Variants in VCAN observed in about 807,000 individuals in gnomAD.
VCAN encodes versican, also known as versican core protein.
VCAN carries 44 observed loss-of-function variants against 245.5 expected under a neutral mutation model. The observed-to-expected ratio is 0.18, with a 90% CI of 0.14 to 0.23. The LOEUF is 0.23. VCAN is among the 10% of genes least tolerant of loss of function. VCAN has a pLI of 1.00. For synonymous variants in VCAN, 1,413 were observed against 1,437.0 expected, an observed-to-expected ratio of 0.98 and a Z score of 0.38; for missense variants, 3,793 against 4,057.9, an observed-to-expected ratio of 0.93 and a Z score of 1.77.
In VCAN at chr5:83,540,796, A is replaced by C. The variant is rs752743211; in HGVS notation, c.7793A>C (p.Asp2598Ala). ...EDILGMQTDI[D>A]TEVPSEPHDS... ...ATTCTTGGAATGCAAACAGATATAG[A>C]TACAGAGGTACCATCAGAACCACAT... The change falls in exon 8 of 15, where the codon GAT becomes GCT. Residue 2598 changes from aspartate (D) to alanine (A), a missense_variant. Asp to Ala is a moderately radical substitution (Grantham distance 126, BLOSUM62 -2). Around this residue, in one of 5 missense-constraint regions of VCAN, gnomAD observed 3,182 missense variants for 3,250.3 expected, o/e 0.98. Transcript: ENST00000265077. 1.2e-6 allele frequency: 2 copies of C among 1,614,046 alleles called. No individual in the cohort carries two copies. The highest frequency in any genetic ancestry group is 2.2e-5 in the South Asian group (2 of 91,082).
At chr5:83,574,991 TA>T (rs1454646987) in intron 13 of VCAN, among the ~76,000 whole-genome samples, 16 of 152,186 alleles carry the variant, frequency 1.1e-4, no homozygotes, top group African/African-American at 3.9e-4. Context: ...TTGCAATTAA[TA>T]ATGGTGTTAT....
chr5:83,536,799 T>A, intron 7 of VCAN: 1 of 475,944 alleles, frequency 2.1e-6, no homozygotes, highest in Non-Finnish European at 3.7e-6. Flanking sequence ...GTTTTAATAA[T>A]GTTAAATTGA....
At chr5:83,498,976 T>C (rs1003193694) in intron 5 of VCAN, among the ~76,000 whole-genome samples, 1 of 152,114 alleles carries the variant, frequency 6.6e-6, no homozygotes, top group African/African-American at 2.4e-5. Flanking sequence ...TCACCCTTCA[T>C]TCCCACACTC....
rs1002427566 is a variant in VCAN at position 83,529,376 on chromosome 5, C to G, written c.4003+7067C>G. On this transcript the variant is annotated intron_variant, in intron 7 of 14. Transcript: ENST00000265077. ...AGCACCACAATAAAAAAGAACAATACAGCAATAAAAAATAACACAAATAAA... is the reference window on the plus strand; with the variant it reads ...AGCACCACAATAAAAAAGAACAATAGAGCAATAAAAAATAACACAAATAAA... 5.8e-5 allele frequency among the ~76,000 whole-genome samples: 8 copies of G among 138,430 alleles called. No homozygotes were observed. The South Asian group carries it at 1.9e-3, about 33-fold the overall frequency. 90.8% of individuals were successfully genotyped at this position (138,430 alleles called of 152,430 possible). A position where few individuals can be genotyped will look rare whatever the true frequency, so the allele number is the denominator to read the frequency against.
chr5:83,547,983 G>T lies in VCAN; in HGVS notation c.9392G>T (p.Cys3131Phe). Reference protein sequence around the residue: ...GDQCELDFDECHSNPCRNGAT... With the variant: ...GDQCELDFDEFHSNPCRNGAT... ...TATTTTGTTTCAGATTTTGATGAAT[G>T]TCACTCTAATCCCTGTCGTAATGGA... Residue 3131 changes from cysteine (C) to phenylalanine (F), a missense_variant, in exon 10 of 15, where the codon TGT (cysteine) becomes TTT (phenylalanine). This residue lies in a region of VCAN where 205 missense variants were observed against 321.1 expected (regional missense o/e 0.64). Coordinates refer to ENST00000265077, the MANE Select transcript of VCAN (RefSeq NM_004385.5). The T allele has an allele frequency of 6.2e-7, 1 of 1,612,990 alleles. No homozygotes were observed. Among genetic ancestry groups the T allele is most frequent in the Non-Finnish European group, 8.5e-7 (1 of 1,179,038 alleles).
At chr5:83,480,252 A>G (rs1313917318) in intron 1 of VCAN, among the ~76,000 whole-genome samples, 1 of 152,152 alleles carries the variant, frequency 6.6e-6, no homozygotes, top group Non-Finnish European at 1.5e-5. Context: ...TGTTGTACCT[A>G]TGTAGATGGA....
chr5:83,541,168 C>A lies in VCAN; in HGVS notation c.8165C>A (p.Ser2722Ter). Residue 2722 changes from serine to a stop codon, truncating the protein, a stop_gained, in exon 8 of 15, where the codon TCA becomes TAA. Transcript: ENST00000265077. LOFTEE classifies it high-confidence loss of function. ...AAAGCCCTGGATGACATGTTTGAAT[C>A]AAGCACTTTGTCTGATGGTCAAGCT... Reference protein sequence around the residue: ...EAKALDDMFESSTLSDGQAIA... With the variant: ...EAKALDDMFE 6.2e-7 allele frequency: 1 copy of A among 1,614,018 alleles called. No homozygotes were observed.
At chr5:83,473,954 G>A (rs749805887) in intron 1 of VCAN, among the ~76,000 whole-genome samples, 30 of 152,134 alleles carry the variant, frequency 2.0e-4, no homozygotes, top group Non-Finnish European at 3.7e-4. Context: ...TGGAACGCAC[G>A]CGGCGCCCTG....
chr5:83,538,246 A>G lies in VCAN; in HGVS notation c.5243A>G (p.Asp1748Gly). Reference sequence around the variant, plus strand: ...GTATATTCATCTACACAGAGATCGGATCAATTAATTTTACCCTTTGAATTA... The same window carrying G: ...GTATATTCATCTACACAGAGATCGGGTCAATTAATTTTACCCTTTGAATTA... ...FEVYSSTQRS[D>G]QLILPFELES... is the part of the protein sequence containing the mutation. Residue 1748 changes from aspartate to glycine, a missense_variant, in exon 8 of 15, where the codon GAT (aspartate) becomes GGT (glycine). Transcript: ENST00000265077. 6.2e-7 allele frequency: 1 copy of G among 1,613,988 alleles called. No homozygotes were observed. The highest frequency in any genetic ancestry group is 8.5e-7 in the Non-Finnish European group (1 of 1,179,968).
At chr5:83,578,062 T>A (rs1041580319) in intron 13 of VCAN, among the ~76,000 whole-genome samples, 25 of 152,178 alleles carry the variant, frequency 1.6e-4, no homozygotes, top group African/African-American at 6.0e-4. Flanking sequence ...TTGGTCTTAT[T>A]CCATCTGATA....
intron 3 of VCAN, 150 bp downstream of exon 3, chr5:83,490,622 A>T: frequency 1.6e-6 from 2 of 1,226,692 alleles, no homozygotes; most frequent in Non-Finnish European, 2.3e-6. Context: ...TTCACCAAAA[A>T]TGAACTGGTA....
At chr5:83,490,786 T>G (rs1019463051) in intron 3 of VCAN, among the ~76,000 whole-genome samples, 1 of 152,250 alleles carries the variant, frequency 6.6e-6, no homozygotes, top group Admixed American at 6.5e-5. Flanking sequence ...GTGATTCTTT[T>G]TCAAGACTCT....
At chr5:83,513,786 A>G (rs1745749705) in intron 6 of VCAN, among the ~76,000 whole-genome samples, 1 of 152,242 alleles carries the variant, frequency 6.6e-6, no homozygotes, top group Non-Finnish European at 1.5e-5. Flanking sequence ...CAAGTACTTC[A>G]GGCTCTAAAA....
chr5:83,521,007 A>G lies in VCAN; in HGVS notation c.2701A>G (p.Thr901Ala). The G allele has an allele frequency of 1.2e-6, 2 of 1,613,778 alleles. No individual in the cohort carries two copies. The highest frequency in any genetic ancestry group is 8.5e-7 in the Non-Finnish European group (1 of 1,179,900). The change falls in exon 7 of 15, where the codon ACA becomes GCA. Residue 901 changes from threonine (T) to alanine (A), a missense_variant. Coordinates refer to ENST00000265077, the MANE Select transcript of VCAN (RefSeq NM_004385.5). ...IAEKSTLRDSTTEEKVPPITS... is the reference protein window; with the variant it reads ...IAEKSTLRDSATEEKVPPITS... ...AGAAAAGTCAACTTTGAGAGATTCT[A>G]CAACTGAAGAAAAAGTTCCACCTAT...
Position 83,540,593 on chromosome 5 carries a change from C to T in VCAN, c.7590C>T (p.Ser2530=). The T allele has an allele frequency of 6.2e-7, 1 of 1,613,802 alleles. No homozygotes were observed. The change falls in exon 8 of 15, where the codon TCC becomes TCT. Residue 2530 remains serine, a synonymous_variant. Transcript: ENST00000265077. ...ACCGTTTCAGGGAATTCGAGGATTCCACCTTAAAACCTAACAGAAAAAAAC... is the reference window on the plus strand; with the variant it reads ...ACCGTTTCAGGGAATTCGAGGATTCTACCTTAAAACCTAACAGAAAAAAAC... ...FQDRFREFED[S]TLKPNRKKPT... is the part of the protein sequence containing the mutation.
chr5:83,509,516 G>C (rs902435963), intron 5 of VCAN, among the ~76,000 whole-genome samples: 31 of 152,176 alleles, frequency 2.0e-4, no homozygotes, highest in African/African-American at 7.5e-4. Context: ...AGTGCAGTTG[G>C]AGAAGCAGAG....
At chr5:83,576,743 AC>A (rs1362346709) in intron 13 of VCAN, among the ~76,000 whole-genome samples, 17 of 152,238 alleles carry the variant, frequency 1.1e-4, no homozygotes, top group Admixed American at 1.0e-3. Context: ...GCACTATTGG[AC>A]TTTGAAATTT....
chr5:83,538,606 G>C lies in VCAN; in HGVS notation c.5603G>C (p.Gly1868Ala). ...ATTCAAGCCGAAAAGGAAGTAGCTG[G>C]CACTTTGTCTCCGCATGTGGAAACT... ...YAIQAEKEVA[G>A]TLSPHVETTF... is the part of the protein sequence containing the mutation. Residue 1868 changes from glycine (G) to alanine (A), a missense_variant, in exon 8 of 15, where the codon GGC (glycine) becomes GCC (alanine). Physicochemically the swap from Gly to Ala is moderately conservative, Grantham distance 60. Around this residue, in one of 5 missense-constraint regions of VCAN, gnomAD observed 3,182 missense variants for 3,250.3 expected, o/e 0.98. Transcript: ENST00000265077. 6.2e-7 allele frequency: 1 copy of C among 1,614,040 alleles called. No individual in the cohort carries two copies. Among genetic ancestry groups the C allele is most frequent in the Middle Eastern group, 1.6e-4 (1 of 6,062 alleles).
chr5:83,510,217 T>C (rs1745609951), intron 5 of VCAN, among the ~76,000 whole-genome samples: 2 of 152,242 alleles, frequency 1.3e-5, no homozygotes, highest in Non-Finnish European at 2.9e-5. Context: ...CTCTCCCTTC[T>C]TCAAATAGCT....
Sources: gnomAD v4.1 joint callset for allele counts (sites outside exome capture counted in the v4.1 genomes callset) on GRCh38, gnomAD v4.1.1 for gene constraint, gnomAD v4.1.1 regional missense constraint, MANE v1.5 for transcripts, NCBI Gene and HGNC (gene_info 2026-07-23, HGNC 2026-07-21) for gene names.